The following PCDHGB4 variants were observed in gnomAD, a reference collection of about 807,000 sequenced individuals.
PCDHGB4 encodes the protein protocadherin gamma-B4.
Under a neutral mutation model 60.5 loss-of-function variants are expected in PCDHGB4, and 38 were observed. The ratio of observed to expected loss-of-function variants is 0.63; its 90% CI spans 0.48 to 0.82. The LOEUF (loss-of-function observed/expected upper bound fraction) is 0.82, where lower values mean the gene tolerates loss of function less well. Ranked by LOEUF, PCDHGB4 falls within the 40% of genes least tolerant of loss-of-function variation. The probability of loss-of-function intolerance (pLI) is 0.00; values close to 1 mark genes in which losing one functional copy is unlikely to be tolerated. For missense variants in PCDHGB4, 1,109 were observed against 1,209.6 expected, an observed-to-expected ratio of 0.92 and a Z score of 1.23; for synonymous variants, 456 against 509.7, an observed-to-expected ratio of 0.89 and a Z score of 1.42.
At chr5:141,451,607 C>T (rs2154563647) in intron 1 of PCDHGB4, among the ~76,000 whole-genome samples, 1 of 152,288 alleles carries the variant, frequency 6.6e-6, no homozygotes, top group Non-Finnish European at 1.5e-5. Context: ...CAAGGCTAGG[C>T]ATGGTGGCTC....
rs1379023118 is a variant in PCDHGB4, at chr5:141,487,609, G to A, written c.2398-7198G>A. ...GCCCACCCTCTGATCTTCTCTATGG[G>A]CTAGAGGTGAGACCTTTGCAGGCTC... On this transcript the variant is annotated intron_variant, in intron 1 of 3. Transcript: ENST00000519479. The surrounding 1 kb of genome is among the most constrained non-coding windows in gnomAD (Gnocchi z 5.0). 1 of 1,614,202 alleles carries A rather than the reference G, an allele frequency of 6.2e-7. No individual in the cohort carries two copies. The highest frequency in any genetic ancestry group is 1.1e-5 in the South Asian group (1 of 91,084).
chr5:141,472,065 G>C lies in PCDHGB4; in HGVS notation c.2398-22742G>C, dbSNP rs115025688. Among the ~76,000 whole-genome samples the C allele has an allele frequency of 1.7e-3, 265 of 152,218 alleles. 1 individual carries two copies. Among genetic ancestry groups the C allele is most frequent in the Middle Eastern group, 3.4e-3 (1 of 294 alleles). On this transcript the variant is annotated intron_variant, in intron 1 of 3. Coordinates refer to ENST00000519479, the MANE Select transcript of PCDHGB4 (RefSeq NM_003736.4). ...GATTTTAAAAATGATTGACATGTCT[G>C]TGGTTATATCAATGAGTACTATTAT...
chr5:141,436,875 A>C (rs1182313546), intron 1 of PCDHGB4, among the ~76,000 whole-genome samples: 3 of 152,236 alleles, frequency 2.0e-5, no homozygotes, highest in African/African-American at 7.2e-5. Context: ...TTAGGCCATA[A>C]AAGATGGGGG....
Position 141,476,129 on chromosome 5 carries a change from G to T in PCDHGB4, c.2398-18678G>T, listed in dbSNP as rs2099385585. 6.2e-7 allele frequency: 1 copy of T among 1,606,848 alleles called. No homozygotes were observed. The highest frequency in any genetic ancestry group is 1.3e-5 in the African/African-American group (1 of 75,000). On this transcript the variant is annotated intron_variant, in intron 1 of 3. Transcript: ENST00000519479. The surrounding 1 kb of genome is among the most constrained non-coding windows in gnomAD (Gnocchi z 7.6). ...GCTTTTGAGTGAGATGGTCCCAGAG[G>T]CCTGGAGGAGCGGACTGGTAAGCAC...
At chr5:141,394,692 C>T (rs1356120664) in intron 1 of PCDHGB4, 1 of 1,613,028 alleles carries the variant, frequency 6.2e-7, no homozygotes, top group Non-Finnish European at 8.5e-7. Context: ...GGGCGAGGTG[C>T]GCACGGCGCG....
chr5:141,452,252 C>T (rs868364679), intron 1 of PCDHGB4, among the ~76,000 whole-genome samples: 2 of 152,106 alleles, frequency 1.3e-5, no homozygotes, highest in Non-Finnish European at 2.9e-5. Context: ...TTTGCCATAA[C>T]TCTCTCATTT....
intron 1 of PCDHGB4, chr5:141,409,439 G>C: frequency 6.2e-7 from 1 of 1,613,998 alleles, no homozygotes; most frequent in Non-Finnish European, 8.5e-7. Flanking sequence ...CCTGGACCGA[G>C]AGCAGACACC....
chr5:141,505,363 T>A, intron 2 of PCDHGB4, 30 bp from the exon 3 acceptor site: 1 of 1,613,360 alleles, frequency 6.2e-7, no homozygotes, highest in Non-Finnish European at 8.5e-7. Context: ...GGCCTGGGAG[T>A]CTGTGCTCAC....
chr5:141,433,837 C>CAAAAAA (rs56191208), intron 1 of PCDHGB4, among the ~76,000 whole-genome samples: 2 of 111,692 alleles, frequency 1.8e-5, no homozygotes, highest in Non-Finnish European at 3.9e-5. Context: ...AACTCTATCT[C>CAAAAAA]AAAAAAAAAA....
chr5:141,433,162 A>G, intron 1 of PCDHGB4: 1 of 1,613,890 alleles, frequency 6.2e-7, no homozygotes, highest in Non-Finnish European at 8.5e-7. Flanking sequence ...TATTTTCTAA[A>G]GACAGTCATG....
intron 1 of PCDHGB4, chr5:141,398,636 A>G (rs770681129): frequency 6.2e-7 from 1 of 1,614,074 alleles, no homozygotes; most frequent in Non-Finnish European, 8.5e-7. Context: ...CTGCAGAAGT[A>G]TAAACTCTCT....
intron 1 of PCDHGB4, chr5:141,423,956 A>G: frequency 1.7e-6 from 2 of 1,182,724 alleles, no homozygotes; most frequent in Non-Finnish European, 2.1e-6. Flanking sequence ...TTTTAGTATT[A>G]TTTTTCTATT....
rs1328089059 is a variant in PCDHGB4, at chr5:141,478,532, G to A, written c.2398-16275G>A. 4.4e-6 allele frequency: 7 copies of A among 1,607,742 alleles called. No homozygotes were observed. The East Asian group carries it at 1.6e-4, about 36-fold the overall frequency. On this transcript the variant is annotated intron_variant, in intron 1 of 3. Coordinates refer to ENST00000519479, the MANE Select transcript of PCDHGB4 (RefSeq NM_003736.4). Reference sequence around the variant, plus strand: ...TAGGCAGGTGTTGGGTGCAGAGAGCGCCCCTCCCGGACAGGTAAGGTTTAG... The same window carrying A: ...TAGGCAGGTGTTGGGTGCAGAGAGCACCCCTCCCGGACAGGTAAGGTTTAG...
chr5:141,485,949 T>C lies in PCDHGB4; in HGVS notation c.2398-8858T>C. Reference sequence around the variant, plus strand: ...GTGTTGGAGAGCGCACCAGCGGGCATGGTGCTCATCCAGCTCAATGCCTCA... The same window carrying C: ...GTGTTGGAGAGCGCACCAGCGGGCACGGTGCTCATCCAGCTCAATGCCTCA... On this transcript the variant is annotated intron_variant, in intron 1 of 3. Transcript: ENST00000519479. This position sits in a 1 kb window ranked among gnomAD's most constrained non-coding sequence, Gnocchi z 5.7. 2 of 1,614,178 alleles carry C rather than the reference T, an allele frequency of 1.2e-6. No individual in the cohort carries two copies.
chr5:141,447,658 A>C (rs114314834), intron 1 of PCDHGB4, among the ~76,000 whole-genome samples: 3,576 of 152,302 alleles, frequency 0.023, 90 homozygotes, highest in Non-Finnish European at 0.03. Context: ...TTTCCCCCCC[A>C]GGAAGTTAGA....
chr5:141,458,409 G>A (rs188300064), intron 1 of PCDHGB4, among the ~76,000 whole-genome samples: 2 of 152,126 alleles, frequency 1.3e-5, no homozygotes, highest in East Asian at 1.9e-4. Context: ...GAGACGGAGC[G>A]GGGGTTCCAA....
chr5:141,393,917 C>T (rs1429211009), intron 1 of PCDHGB4: 12 of 1,613,806 alleles, frequency 7.4e-6, no homozygotes, highest in Non-Finnish European at 1.7e-6. Context: ...TAATTGCCTT[C>T]TTGAGTGTGC....
chr5:141,400,867 C>A (rs1005203103), intron 1 of PCDHGB4, among the ~76,000 whole-genome samples: 37 of 152,162 alleles, frequency 2.4e-4, no homozygotes, highest in African/African-American at 8.9e-4. Context: ...TGTAGATAAA[C>A]CATTAAATTT....
chr5:141,466,686 T>G (rs112499949), intron 1 of PCDHGB4, among the ~76,000 whole-genome samples: 2 of 152,352 alleles, frequency 1.3e-5, no homozygotes, highest in African/African-American at 4.8e-5. Flanking sequence ...CCACTCAAGC[T>G]TCATCATAAA....
Sources: gnomAD v4.1 joint callset for allele counts (sites outside exome capture counted in the v4.1 genomes callset) on GRCh38, gnomAD v4.1.1 for gene constraint, Gnocchi (gnomAD v3.1) non-coding constraint, MANE v1.5 for transcripts, NCBI Gene and HGNC (gene_info 2026-07-23, HGNC 2026-07-21) for gene names.